Variants in HDAC9 observed in about 807,000 individuals in gnomAD.
HDAC9 encodes the protein MEF-2 interacting transcription repressor (MITR) protein.
In HDAC9, 41 loss-of-function variants were observed where a neutral mutation model predicts 139.4. The observed-to-expected ratio is 0.29, with a 90% CI of 0.23 to 0.38. The LOEUF is 0.38. HDAC9 is among the 10% of genes least tolerant of loss of function. HDAC9 has a pLI of 1.00. For synonymous variants in HDAC9, 517 were observed against 476.2 expected, an observed-to-expected ratio of 1.09 and a Z score of -1.12; for missense variants, 1,147 against 1,297.0, an observed-to-expected ratio of 0.88 and a Z score of 1.78.
intron 2 of HDAC9, among the ~76,000 whole-genome samples, chr7:18,220,312 A>C (rs1218991866): frequency 6.6e-6 from 1 of 152,196 alleles, no homozygotes; most frequent in Non-Finnish European, 1.5e-5. Context: ...CTGAAAGATT[A>C]AAAATAGAAT....
At chr7:18,460,284 G>A (rs868739940) in intron 1 of HDAC9, among the ~76,000 whole-genome samples, 39 of 152,182 alleles carry the variant, frequency 2.6e-4, no homozygotes, top group African/African-American at 7.5e-4. Context: ...TTGTACTTGT[G>A]TTTGTAGTTT....
chr7:18,301,513 C>A (rs1238409871), intron 1 of HDAC9, among the ~76,000 whole-genome samples: 3 of 151,974 alleles, frequency 2.0e-5, no homozygotes, highest in African/African-American at 7.2e-5. Context: ...TACTGTCCCA[C>A]TGGGATAGTA....
intron 1 of HDAC9, among the ~76,000 whole-genome samples, chr7:18,095,145 A>G (rs1344370733): frequency 6.6e-6 from 1 of 152,130 alleles, no homozygotes; most frequent in Admixed American, 6.5e-5. Context: ...TTGGGGGATT[A>G]GGAAGCTGTG....
intron 1 of HDAC9, among the ~76,000 whole-genome samples, chr7:18,332,612 G>C (rs924686926): frequency 1.3e-5 from 2 of 151,544 alleles, no homozygotes. Context: ...CTCTATATTA[G>C]GTGTGGAATG....
chr7:18,118,289 A>T (rs1197124746), intron 1 of HDAC9, among the ~76,000 whole-genome samples: 1 of 152,206 alleles, frequency 6.6e-6, no homozygotes, highest in African/African-American at 2.4e-5. Context: ...GAATATTGTC[A>T]GTCCTTATGG....
At chr7:18,264,992 G>A (rs1795908895) in intron 2 of HDAC9, among the ~76,000 whole-genome samples, 1 of 152,064 alleles carries the variant, frequency 6.6e-6, no homozygotes, top group Non-Finnish European at 1.5e-5. Flanking sequence ...AGTTACTCTA[G>A]GAATAGCCAA....
intron 13 of HDAC9, among the ~76,000 whole-genome samples, chr7:18,740,801 C>T (rs888044613): frequency 6.6e-6 from 1 of 152,156 alleles, no homozygotes; most frequent in Non-Finnish European, 1.5e-5. Flanking sequence ...AAAAGAAAAG[C>T]TCTTGAAGGA....
rs1290473743 is a variant in HDAC9, at chr7:18,767,170, G to C, written c.2214+15G>C. ...GTGGACTTGGGGTAAGTACAAGTTGGTTTACTGCCTTTAAATAACATAAAA... is the reference window on the plus strand; with the variant it reads ...GTGGACTTGGGGTAAGTACAAGTTGCTTTACTGCCTTTAAATAACATAAAA... On this transcript the variant is annotated intron_variant, in intron 16 of 25. Transcript: ENST00000686413. The C allele has an allele frequency of 4.6e-6, 7 of 1,505,522 alleles. No individual in the cohort carries two copies. Among genetic ancestry groups the C allele is most frequent in the South Asian group, 3.8e-5 (3 of 79,844 alleles). 93.3% of individuals were successfully genotyped at this position (1,505,522 alleles called of 1,614,324 possible).
At chr7:18,146,218 T>C (rs1239211256) in intron 1 of HDAC9, among the ~76,000 whole-genome samples, 1 of 152,180 alleles carries the variant, frequency 6.6e-6, no homozygotes, top group East Asian at 1.9e-4. Context: ...GGCTGAGCTA[T>C]TTCTTACATC....
chr7:18,233,687 G>A (rs1021202731), intron 2 of HDAC9, among the ~76,000 whole-genome samples: 5 of 152,082 alleles, frequency 3.3e-5, no homozygotes, highest in South Asian at 4.1e-4. Flanking sequence ...GTAGGGGAAC[G>A]GAGCACACAC....
intron 6 of HDAC9, among the ~76,000 whole-genome samples, chr7:18,608,293 A>T (rs1554771): frequency 0.1 from 15,507 of 152,050 alleles, 1,684 homozygotes; most frequent in African/African-American, 0.28. Context: ...GAGGAGTGGG[A>T]GGGGAGGGGG....
At chr7:18,936,096 C>T (rs1781613237) in intron 23 of HDAC9, among the ~76,000 whole-genome samples, 154 bp downstream of exon 23, 1 of 152,182 alleles carries the variant, frequency 6.6e-6, no homozygotes, top group Non-Finnish European at 1.5e-5. Context: ...TTTACATGTT[C>T]TCGTATACTA....
At chr7:18,850,161 T>C (rs1277042925) in intron 21 of HDAC9, among the ~76,000 whole-genome samples, 1 of 149,304 alleles carries the variant, frequency 6.7e-6, no homozygotes, top group Non-Finnish European at 1.5e-5. Context: ...AAATCATGAA[T>C]AGCATTATCA....
At chr7:18,104,367 C>G (rs925465152) in intron 1 of HDAC9, among the ~76,000 whole-genome samples, 8 of 151,808 alleles carry the variant, frequency 5.3e-5, no homozygotes, top group Non-Finnish European at 5.9e-5. Context: ...TTTTTTAAAA[C>G]CAGACTATTT....
intron 2 of HDAC9, among the ~76,000 whole-genome samples, chr7:18,522,710 A>G (rs1233883957): frequency 1.3e-5 from 2 of 152,126 alleles, no homozygotes; most frequent in Non-Finnish European, 2.9e-5. Flanking sequence ...TAGGTGAGGT[A>G]ATTGAAATGG....
At chr7:18,213,316 A>G (rs1019491749) in intron 2 of HDAC9, among the ~76,000 whole-genome samples, 19 of 152,076 alleles carry the variant, frequency 1.2e-4, no homozygotes, top group African/African-American at 4.3e-4. Flanking sequence ...TTACAACCTC[A>G]TGTATATATA....
chr7:18,768,941 G>C (rs1790052462), intron 16 of HDAC9, among the ~76,000 whole-genome samples: 1 of 152,178 alleles, frequency 6.6e-6, no homozygotes, highest in Non-Finnish European at 1.5e-5. Context: ...AATAGGCTTT[G>C]TGTTAGATGC....
chr7:18,185,399 A>G (rs1039669132), intron 2 of HDAC9, among the ~76,000 whole-genome samples: 1 of 152,232 alleles, frequency 6.6e-6, no homozygotes, highest in Non-Finnish European at 1.5e-5. Context: ...GAGGACTGCT[A>G]TTAAAGCAAG....
chr7:18,455,158 G>C (rs1793229748), intron 1 of HDAC9, among the ~76,000 whole-genome samples: 1 of 152,042 alleles, frequency 6.6e-6, no homozygotes, highest in Non-Finnish European at 1.5e-5. Flanking sequence ...AAAAAAGCCA[G>C]ATATCTTCCT....
Sources: gnomAD v4.1 joint callset for allele counts (sites outside exome capture counted in the v4.1 genomes callset) on GRCh38, gnomAD v4.1.1 for gene constraint, MANE v1.5 for transcripts, NCBI Gene and HGNC (gene_info 2026-07-23, HGNC 2026-07-21) for gene names.